The following MYT1 variants were observed in gnomAD, a reference collection of about 807,000 sequenced individuals.
MYT1 encodes the protein myelin transcription factor I.
Under a neutral mutation model 123.0 loss-of-function variants are expected in MYT1, and 23 were observed. The ratio of observed to expected loss-of-function variants is 0.19; its 90% CI spans 0.13 to 0.26. The LOEUF (loss-of-function observed/expected upper bound fraction) is 0.26, where lower values mean the gene tolerates loss of function less well. MYT1 is among the 10% of genes least tolerant of loss of function. The probability of loss-of-function intolerance (pLI) is 1.00; values close to 1 mark genes in which losing one functional copy is unlikely to be tolerated. For missense variants in MYT1, 1,125 were observed against 1,472.5 expected, an observed-to-expected ratio of 0.76 and a Z score of 3.86; for synonymous variants, 518 against 575.3, an observed-to-expected ratio of 0.90 and a Z score of 1.43.
chr20:64,198,605 C>A (rs2983453), intron 2 of MYT1, among the ~76,000 whole-genome samples: 30,750 of 152,196 alleles, frequency 0.2, 3,229 homozygotes, highest in Middle Eastern at 0.25. Context: ...GTGCACTGTA[C>A]CCTCCTTGCC....
At chr20:64,194,788 G>A (rs915391914) in intron 2 of MYT1, among the ~76,000 whole-genome samples, 2 of 152,252 alleles carry the variant, frequency 1.3e-5, no homozygotes, top group Non-Finnish European at 2.9e-5. Flanking sequence ...AGCCCGTTGG[G>A]CTTCATGGAA....
intron 22 of MYT1, 109 bp from the exon 23 acceptor site, chr20:64,240,211 G>A: frequency 6.7e-7 from 1 of 1,488,190 alleles, no homozygotes; most frequent in Non-Finnish European, 9.1e-7. Context: ...GGTTGGTGTG[G>A]GCTTGTCTCA....
At chr20:64,223,259 CT>C (rs748687459) in intron 15 of MYT1, 31 bp from the exon 16 acceptor site, 2 of 1,613,930 alleles carry the variant, frequency 1.2e-6, no homozygotes, top group Non-Finnish European at 1.7e-6. Context: ...CCCTCTTTGG[CT>C]TACCCCAATA....
At chr20:64,216,520 G>A (rs1220713725) in intron 10 of MYT1, among the ~76,000 whole-genome samples, 2 of 152,202 alleles carry the variant, frequency 1.3e-5, no homozygotes, top group African/African-American at 2.4e-5. Context: ...GGGCAGCTGA[G>A]GGCTGAGTCC....
At chr20:64,211,438 C>T (rs1442183177) in intron 8 of MYT1, 98 bp downstream of exon 8, 1 of 1,253,400 alleles carries the variant, frequency 8.0e-7, no homozygotes, top group Non-Finnish European at 1.1e-6. Flanking sequence ...CTGCCCAGGG[C>T]CATAACCTTC....
chr20:64,212,277 G>T lies in MYT1; in HGVS notation c.1517+139G>T. ...GGCCGTGGTGGGGGGCTCCACGTGG[G>T]GTAGGGCACCTGGGTTGGGCCTGTG... is the stretch of plus-strand genomic sequence containing the variant. On this transcript the variant is annotated intron_variant, in intron 9 of 22. Coordinates refer to ENST00000328439, the MANE Select transcript of MYT1 (RefSeq NM_004535.3). The surrounding 1 kb of genome is among the most constrained non-coding windows in gnomAD (Gnocchi z 6.8). 1.2e-6 allele frequency: 1 copy of T among 839,804 alleles called. No homozygotes were observed. The allele number at this position is 839,804 out of a possible 1,614,324, so 52.0% of individuals were successfully genotyped here. A position where few individuals can be genotyped will look rare whatever the true frequency, so the allele number is the denominator to read the frequency against.
rs1983756331 is a variant in MYT1, at chr20:64,213,816, A to G, written c.1631+169A>G. ...GTGCACATGCCCCGGGCCCCCCAGGAGCAGAACTGCGGGGCAGTTTTGGAG... is the reference window on the plus strand; with the variant it reads ...GTGCACATGCCCCGGGCCCCCCAGGGGCAGAACTGCGGGGCAGTTTTGGAG... On this transcript the variant is annotated intron_variant, in intron 10 of 22. Transcript: ENST00000328439. The surrounding 1 kb of genome is among the most constrained non-coding windows in gnomAD (Gnocchi z 5.6). Among the ~76,000 whole-genome samples, 2 of 152,180 alleles carry G rather than the reference A, an allele frequency of 1.3e-5. No individual in the cohort carries two copies. The highest frequency in any genetic ancestry group is 4.1e-4 in the South Asian group (2 of 4,824).
rs1477464722 is a variant in MYT1, at chr20:64,185,983, A to C, written c.-98-4080A>C. Among the ~76,000 whole-genome samples the C allele has an allele frequency of 6.6e-6, 1 of 152,132 alleles. No individual in the cohort carries two copies. The highest frequency in any genetic ancestry group is 1.5e-5 in the Non-Finnish European group (1 of 68,002). ...CAGTTTGCAGTGCTGCTGAGTTGGA[A>C]AAAGAGGGCTTCATTAGGAGAAGAC... On this transcript the variant is annotated intron_variant, in intron 1 of 22. Transcript: ENST00000328439. This position sits in a 1 kb window ranked among gnomAD's most constrained non-coding sequence, Gnocchi z 4.5.
At chr20:64,228,180 G>T in intron 18 of MYT1, 1 of 579,366 alleles carries the variant, frequency 1.7e-6, no homozygotes, top group Non-Finnish European at 3.0e-6. Context: ...CCTGGATGTC[G>T]CGTGGAGGGC....
intron 17 of MYT1, 139 bp downstream of exon 17, chr20:64,227,616 C>G: frequency 1.1e-6 from 1 of 885,594 alleles, no homozygotes; most frequent in Non-Finnish European, 1.7e-6. Context: ...TTGCCATTTC[C>G]AGAACCTGAT....
At chr20:64,179,907 A>G (rs1982589202) in intron 1 of MYT1, among the ~76,000 whole-genome samples, 2 of 149,730 alleles carry the variant, frequency 1.3e-5, no homozygotes, top group South Asian at 2.2e-4. Flanking sequence ...AGTTACATGC[A>G]TGCTCTATAC....
chr20:64,168,993 A>G lies in MYT1; in HGVS notation c.-99+4254A>G, dbSNP rs1601695664. On this transcript the variant is annotated intron_variant, in intron 1 of 22. Coordinates refer to ENST00000328439, the MANE Select transcript of MYT1 (RefSeq NM_004535.3). The surrounding 1 kb of genome is among the most constrained non-coding windows in gnomAD (Gnocchi z 6.1). ...TCAACACTGGTCTGAGGGCTGGGGC[A>G]GAAGCCATCTGGGTCCTCTTCTTTT... 6.6e-6 allele frequency among the ~76,000 whole-genome samples: 1 copy of G among 152,374 alleles called. No individual in the cohort carries two copies. Among genetic ancestry groups the G allele is most frequent in the Admixed American group, 6.5e-5 (1 of 15,312 alleles).
intron 21 of MYT1, among the ~76,000 whole-genome samples, chr20:64,238,550 G>A (rs961920988): frequency 5.3e-5 from 8 of 151,554 alleles, no homozygotes; most frequent in African/African-American, 1.9e-4. Flanking sequence ...AAGGATTTTC[G>A]CTGTCATGCA....
In MYT1 at chr20:64,208,482, G is replaced by A; in HGVS notation, c.1286G>A (p.Ser429Asn). ...GACACTGTGCGGAAGAGTTACTACA[G>A]TAAAGGTAGGGCTCAGGGGTGGCCT... ...PLDTVRKSYY[S>N]KDPSRAEKRE... Residue 429 changes from serine (S) to asparagine (N), a missense_variant, in exon 7 of 23, where the codon AGT becomes AAT. Ser to Asn is a conservative substitution (Grantham distance 46, BLOSUM62 1). Coordinates refer to ENST00000328439, the MANE Select transcript of MYT1 (RefSeq NM_004535.3). This position sits in a 1 kb window ranked among gnomAD's most constrained non-coding sequence, Gnocchi z 5.4. 1 of 1,596,060 alleles carries A rather than the reference G, an allele frequency of 6.3e-7. No homozygotes were observed. Among genetic ancestry groups the A allele is most frequent in the Non-Finnish European group, 8.6e-7 (1 of 1,169,036 alleles).
chr20:64,184,020 A>T (rs1010352746), intron 1 of MYT1, among the ~76,000 whole-genome samples: 4 of 152,196 alleles, frequency 2.6e-5, no homozygotes, highest in African/African-American at 9.6e-5. Flanking sequence ...GGGCTTCACC[A>T]TGCTGGCCAG....
intron 19 of MYT1, among the ~76,000 whole-genome samples, chr20:64,235,952 A>C (rs1490976539): frequency 0.12 from 1,531 of 12,710 alleles, no homozygotes; most frequent in Middle Eastern, 0.25. Context: ...CCTGGGCTGG[A>C]CGTGGTGGGT....
rs771817835 is a variant in MYT1, at chr20:64,232,536, G to A, written c.2897+151G>A. 5.4e-6 allele frequency: 4 copies of A among 739,236 alleles called. No individual in the cohort carries two copies. Among genetic ancestry groups the A allele is most frequent in the Non-Finnish European group, 8.9e-6 (4 of 450,024 alleles). 45.8% of individuals were successfully genotyped at this position (739,236 alleles called of 1,614,324 possible). Reference sequence around the variant, plus strand: ...AGGCCAGGCCACATGGGTAGCGGATGGGGGAGGCTAGCGGGTCTGTTGGTG... The same window carrying A: ...AGGCCAGGCCACATGGGTAGCGGATAGGGGAGGCTAGCGGGTCTGTTGGTG... On this transcript the variant is annotated intron_variant, in intron 19 of 22. Coordinates refer to ENST00000328439, the MANE Select transcript of MYT1 (RefSeq NM_004535.3). The surrounding 1 kb of genome is among the most constrained non-coding windows in gnomAD (Gnocchi z 6.9).
chr20:64,223,261 T>C (rs370080534), intron 15 of MYT1, 30 bp from the exon 16 acceptor site: 39 of 1,613,948 alleles, frequency 2.4e-5, no homozygotes, highest in Middle Eastern at 3.3e-4. Flanking sequence ...CTCTTTGGCT[T>C]ACCCCAATAT....
intron 1 of MYT1, among the ~76,000 whole-genome samples, chr20:64,177,647 C>A (rs1982507137): frequency 6.6e-6 from 1 of 150,432 alleles, no homozygotes; most frequent in Non-Finnish European, 1.5e-5. Flanking sequence ...AAGAGGGCAC[C>A]CCTCTCCAGG....
Sources: gnomAD v4.1 joint callset for allele counts (sites outside exome capture counted in the v4.1 genomes callset) on GRCh38, gnomAD v4.1.1 for gene constraint, Gnocchi (gnomAD v3.1) non-coding constraint, MANE v1.5 for transcripts, NCBI Gene and HGNC (gene_info 2026-07-23, HGNC 2026-07-21) for gene names.